The following DIAPH2 variants were observed in gnomAD, a reference collection of about 807,000 sequenced individuals.
DIAPH2 encodes the protein diaphanous related formin 2.
A neutral mutation model predicts 92.7 loss-of-function variants in DIAPH2; 35 were observed. That is an observed-to-expected ratio of 0.38 (90% CI 0.29 to 0.50). DIAPH2 has a LOEUF of 0.50. Among genes scored for constraint, DIAPH2 ranks in the 20% least tolerant of loss-of-function variants. The pLI is 0.94. For synonymous variants in DIAPH2, 301 were observed against 280.4 expected (o/e 1.07, Z -0.73); for missense variants, 701 against 819.5 (o/e 0.86, Z 1.77).
chrX:97,136,303 G>A (rs1254411878), intron 21 of DIAPH2, among the ~76,000 whole-genome samples: 1 of 111,828 alleles, frequency 8.9e-6, no homozygotes, highest in East Asian at 2.8e-4. Flanking sequence ...CTGCAAACAT[G>A]TCTGTGAACA....
chrX:97,384,282 T>C (rs2069578713), intron 25 of DIAPH2, among the ~76,000 whole-genome samples: 1 of 111,691 alleles, frequency 9.0e-6, no homozygotes, highest in African/African-American at 3.3e-5. Flanking sequence ...CTCCCTACTT[T>C]TCTTGCCATA....
chrX:97,315,909 CTA>C (rs1391756017), intron 23 of DIAPH2, among the ~76,000 whole-genome samples: 1 of 111,639 alleles, frequency 9.0e-6, no homozygotes, highest in Non-Finnish European at 1.9e-5. Context: ...TTCTATTAAA[CTA>C]TTTTTTATAT....
intron 22 of DIAPH2, among the ~76,000 whole-genome samples, chrX:97,178,441 C>CTTTT (rs1569321100): frequency 2.4e-4 from 21 of 88,975 alleles, no homozygotes; most frequent in African/African-American, 1.0e-3. Context: ...GCCTATATTT[C>CTTTT]TCTTTTTTTT....
At chrX:97,078,485 A>G (rs1271037520) in intron 19 of DIAPH2, among the ~76,000 whole-genome samples, 1 of 111,457 alleles carries the variant, frequency 9.0e-6, no homozygotes, top group Non-Finnish European at 1.9e-5. Flanking sequence ...AGTAGTATTA[A>G]CAGTACCTCT....
At chrX:97,420,821 G>GA (rs2070000940) in intron 25 of DIAPH2, among the ~76,000 whole-genome samples, 2 of 111,782 alleles carry the variant, frequency 1.8e-5, no homozygotes. Flanking sequence ...TTTCCATCTT[G>GA]AAAGTTTTCT....
At chrX:97,547,333 G>A in intron 26 of DIAPH2, among the ~76,000 whole-genome samples, 1 of 111,702 alleles carries the variant, frequency 9.0e-6, no homozygotes, top group Non-Finnish European at 1.9e-5. Flanking sequence ...GTTTTAATCT[G>A]GTTAAGTTGA....
At chrX:97,006,983 C>T (rs1029971203) in intron 17 of DIAPH2, among the ~76,000 whole-genome samples, 1 of 111,285 alleles carries the variant, frequency 9.0e-6, no homozygotes, top group African/African-American at 3.3e-5. Context: ...CAAATAATAT[C>T]TTATAACTCA....
chrX:96,930,896 C>T, intron 10 of DIAPH2, 53 bp downstream of exon 10: 1 of 1,106,470 alleles, frequency 9.0e-7, no homozygotes, highest in South Asian at 2.4e-5. Context: ...ATTTTTTTCA[C>T]TTCCACAAAA....
At chrX:96,712,199 G>A (rs5949986) in intron 1 of DIAPH2, among the ~76,000 whole-genome samples, 6,150 of 110,462 alleles carry the variant, frequency 0.056, 192 homozygotes, top group Middle Eastern at 0.14. Context: ...ACTTCATCAC[G>A]CCTGCCAACC....
At chrX:97,375,765 C>A (rs1379830190) in intron 24 of DIAPH2, among the ~76,000 whole-genome samples, 1 of 110,969 alleles carries the variant, frequency 9.0e-6, no homozygotes, top group Non-Finnish European at 1.9e-5. Flanking sequence ...GAAATGAGAA[C>A]CCCACCAATA....
intron 22 of DIAPH2, among the ~76,000 whole-genome samples, chrX:97,218,286 C>T (rs2067899664): frequency 9.0e-6 from 1 of 110,690 alleles, no homozygotes; most frequent in African/African-American, 3.3e-5. Context: ...GACAGGGTTT[C>T]ACCATGTTGA....
chrX:97,352,235 A>C (rs2069222550), intron 24 of DIAPH2, among the ~76,000 whole-genome samples: 2 of 111,233 alleles, frequency 1.8e-5, no homozygotes, highest in Admixed American at 1.9e-4. Context: ...TCTATTTGGC[A>C]TATGTAGCAT....
intron 1 of DIAPH2, among the ~76,000 whole-genome samples, chrX:96,724,840 C>T (rs2064011359): frequency 9.0e-6 from 1 of 111,553 alleles, no homozygotes; most frequent in Admixed American, 9.5e-5. Context: ...TTGCTTTGAC[C>T]TGTGTATGTA....
chrX:97,516,513 T>TTTACA (rs1386909289), intron 26 of DIAPH2, among the ~76,000 whole-genome samples: 2 of 111,925 alleles, frequency 1.8e-5, no homozygotes, highest in Non-Finnish European at 3.8e-5. Context: ...ACATCACATG[T>TTTACA]TTACATTTTT....
chrX:96,957,681 T>C, intron 15 of DIAPH2, 147 bp from the exon 16 acceptor site: 2 of 484,507 alleles, frequency 4.1e-6, no homozygotes, highest in South Asian at 3.9e-5. Context: ...TCTTGCTAAA[T>C]ATTTAGATAT....
At chrX:97,292,502 C>G (rs1435300191) in intron 23 of DIAPH2, among the ~76,000 whole-genome samples, 2 of 110,186 alleles carry the variant, frequency 1.8e-5, no homozygotes, top group Non-Finnish European at 3.8e-5. Context: ...ATGCATCACT[C>G]TTTTAGCCTA....
intron 20 of DIAPH2, among the ~76,000 whole-genome samples, chrX:97,105,291 T>G (rs2066932111): frequency 9.0e-6 from 1 of 110,885 alleles, no homozygotes; most frequent in African/African-American, 3.3e-5. Flanking sequence ...TATAATCATG[T>G]GCAACCAGTT....
In DIAPH2 at chrX:97,294,484, T is replaced by A. The variant is rs1431264756; in HGVS notation, c.2844+46645T>A. Among the ~76,000 whole-genome samples the A allele has an allele frequency of 4.5e-5, 5 of 112,021 alleles. No homozygotes were observed. In the East Asian group the frequency reaches 1.4e-3, roughly 31 times the overall value. ...TCTATAGCACTTTGTCTAGTTTTTT[T>A]AAGAAATTATATTTCTCTTTGAGTT... On this transcript the variant is annotated intron_variant, in intron 23 of 26. Transcript: ENST00000324765.
chrX:96,815,445 G>C (rs2064725381), intron 4 of DIAPH2, among the ~76,000 whole-genome samples: 1 of 111,719 alleles, frequency 9.0e-6, no homozygotes, highest in Non-Finnish European at 1.9e-5. Context: ...AGCTTCCCTT[G>C]GCTAGGAATT....
Sources: gnomAD v4.1 joint callset for allele counts (sites outside exome capture counted in the v4.1 genomes callset) on GRCh38, gnomAD v4.1.1 for gene constraint, MANE v1.5 for transcripts, NCBI Gene and HGNC (gene_info 2026-07-23, HGNC 2026-07-21) for gene names.